MREG: variants seen among roughly 807,000 people sequenced by gnomAD.
The protein encoded by MREG is dilute suppressor protein homolog.
In MREG, 31 loss-of-function variants were observed where a neutral mutation model predicts 28.5. The observed-to-expected ratio is 1.09, with a 90% CI of 0.82 to 1.47. MREG has a LOEUF of 1.47. MREG is among the 40% of genes most tolerant of loss of function. The probability of loss-of-function intolerance (pLI) is 0.00; values close to 1 mark genes in which losing one functional copy is unlikely to be tolerated. For synonymous variants in MREG, 106 were observed against 95.2 expected (o/e 1.11, Z -0.66); for missense variants, 256 against 257.4 (o/e 0.99, Z 0.04).
intron 2 of MREG, among the ~76,000 whole-genome samples, chr2:215,978,453 T>C (rs1011707623): frequency 1.3e-5 from 2 of 152,040 alleles, no homozygotes; most frequent in Non-Finnish European, 2.9e-5. Context: ...CTACCAGAGG[T>C]ACAAAGAGGA....
At chr2:215,961,938 C>T (rs1692802803) in intron 2 of MREG, among the ~76,000 whole-genome samples, 1 of 152,154 alleles carries the variant, frequency 6.6e-6, no homozygotes, top group Non-Finnish European at 1.5e-5. Context: ...CATGCGGAGC[C>T]TCAAACCCCA....
intron 2 of MREG, among the ~76,000 whole-genome samples, chr2:215,989,255 G>T (rs909939835): frequency 1.3e-5 from 2 of 152,202 alleles, no homozygotes; most frequent in Admixed American, 6.5e-5. Context: ...GGCAAACAGG[G>T]TCTGGAGTGT....
At chr2:215,983,842 T>C (rs1203487112) in intron 2 of MREG, among the ~76,000 whole-genome samples, 1 of 152,182 alleles carries the variant, frequency 6.6e-6, no homozygotes, top group Non-Finnish European at 1.5e-5. Context: ...GTATATGCAT[T>C]TGTCAGCATA....
intron 1 of MREG, among the ~76,000 whole-genome samples, chr2:216,001,963 C>T (rs956858798): frequency 6.6e-6 from 1 of 152,178 alleles, no homozygotes; most frequent in African/African-American, 2.4e-5. Flanking sequence ...GCCTGGGGGT[C>T]TGGGCCTGAA....
chr2:215,946,937 C>T, intron 3 of MREG, 86 bp downstream of exon 3: 1 of 822,232 alleles, frequency 1.2e-6, no homozygotes, highest in South Asian at 1.5e-5. Flanking sequence ...ATTGACATTC[C>T]TTTTATAAAA....
At chr2:215,990,494 G>T (rs1693693922) in intron 2 of MREG, among the ~76,000 whole-genome samples, 1 of 152,060 alleles carries the variant, frequency 6.6e-6, no homozygotes, top group African/African-American at 2.4e-5. Flanking sequence ...CAACTAACGG[G>T]AAAAATAACC....
At chr2:215,946,366 G>T (rs1289981832) in intron 3 of MREG, among the ~76,000 whole-genome samples, 3 of 151,780 alleles carry the variant, frequency 2.0e-5, no homozygotes, top group African/African-American at 7.3e-5. Flanking sequence ...CGCTTGAAAA[G>T]TGATGATGCC....
At chr2:215,965,194 T>G (rs763428297) in intron 2 of MREG, among the ~76,000 whole-genome samples, 2 of 152,226 alleles carry the variant, frequency 1.3e-5, no homozygotes, top group Non-Finnish European at 2.9e-5. Context: ...AGATGGCAAC[T>G]CACAGGCCAT....
chr2:215,959,485 T>C (rs902796880), intron 2 of MREG, among the ~76,000 whole-genome samples: 2 of 152,242 alleles, frequency 1.3e-5, no homozygotes, highest in Admixed American at 1.3e-4. Context: ...TCTGCCTTAA[T>C]TGGCCTGAAT....
chr2:216,029,357 A>T lies in MREG; in HGVS notation c.-68+3432T>A, dbSNP rs568055962. 1.0e-3 allele frequency among the ~76,000 whole-genome samples: 159 copies of T among 152,314 alleles called. 1 individual carries two copies. The highest frequency in any genetic ancestry group is 3.6e-3 in the African/African-American group (149 of 41,570). On this transcript the variant is annotated intron_variant, in intron 1 of 3. Coordinates refer to the MREG transcript ENST00000420348. ...GCTGGGCGTGGTGGCGCGCTTCTGT[A>T]GTCCCAGCTACTCAGGAGGCTGAGG...
intron 2 of MREG, among the ~76,000 whole-genome samples, chr2:215,985,065 C>T (rs1440385750): frequency 6.6e-6 from 1 of 152,148 alleles, no homozygotes; most frequent in African/African-American, 2.4e-5. Context: ...GGATAAGTTG[C>T]TTAAAATGGA....
rs752665279 is a variant in MREG at position 216,013,292 on chromosome 2, G to A, written c.36C>T (p.Cys12=). The A allele has an allele frequency of 6.5e-7, 1 of 1,549,678 alleles. No homozygotes were observed. The highest frequency in any genetic ancestry group is 1.4e-5 in the African/African-American group (1 of 73,146). The part of the protein sequence containing the change: ...GLRDWLRTVC[C]CCGCECLEER... ...CCTCCAAGCACTCGCACCCGCAGCA[G>A]CAGCACACGGTTCTCAGCCAGTCCC... is the stretch of plus-strand genomic sequence containing the variant. Residue 12 remains cysteine, a synonymous_variant, in exon 1 of 5, where the codon TGC becomes TGT. Transcript: ENST00000263268.
chr2:215,940,858 T>C (rs528093489), downstream of MREG, among the ~76,000 whole-genome samples: 88 of 152,180 alleles, frequency 5.8e-4, no homozygotes, highest in Middle Eastern at 0.01. Flanking sequence ...TGTGCGCGCG[T>C]GTGTGTGTGT....
intron 1 of MREG, among the ~76,000 whole-genome samples, chr2:216,023,264 G>T (rs1694551843): frequency 6.6e-6 from 1 of 152,192 alleles, no homozygotes; most frequent in African/African-American, 2.4e-5. Context: ...TAAATTCACT[G>T]CAGTCTCTTT....
chr2:215,963,202 G>A (rs976239223), intron 2 of MREG, among the ~76,000 whole-genome samples: 3 of 152,160 alleles, frequency 2.0e-5, no homozygotes, highest in Admixed American at 2.0e-4. Flanking sequence ...GCTTGCACCT[G>A]TAATCCCAGC....
At chr2:216,007,416 T>TTTATTTA (rs1340294134) in intron 1 of MREG, among the ~76,000 whole-genome samples, 2 of 123,416 alleles carry the variant, frequency 1.6e-5, no homozygotes, top group East Asian at 4.2e-4. Context: ...TATTTATTTA[T>TTTATTTA]TTATTTATTT....
chr2:215,954,551 C>T (rs939636818), intron 2 of MREG, among the ~76,000 whole-genome samples: 1 of 151,580 alleles, frequency 6.6e-6, no homozygotes, highest in African/African-American at 2.4e-5. Flanking sequence ...TAACTTGCCC[C>T]ATGCCCAACC....
chr2:215,944,955 G>T lies in MREG; in HGVS notation c.553C>A (p.Leu185Ile). The T allele has an allele frequency of 6.2e-7, 1 of 1,606,974 alleles. No individual in the cohort carries two copies. Among genetic ancestry groups the T allele is most frequent in the Non-Finnish European group, 8.5e-7 (1 of 1,174,364 alleles). Residue 185 changes from leucine to isoleucine, a missense_variant, in exon 5 of 5, where the codon CTT (leucine) becomes ATT (isoleucine). Physicochemically the swap from Leu to Ile is conservative, Grantham distance 5. Transcript: ENST00000263268. The part of the protein sequence containing the change: ...ALDAAEEFFK[L>I]ARRTYPKKPG... ...TTCTTGGGGTAAGTTCGACGAGCAA[G>T]CTTAAAGAACTCTTCTGCAGCATCA...
chr2:216,031,144 C>T (rs940542651), intron 1 of MREG, among the ~76,000 whole-genome samples: 10 of 152,128 alleles, frequency 6.6e-5, no homozygotes, highest in African/African-American at 2.4e-4. Context: ...TGGTGGTTCA[C>T]GCCTATAATC....
Sources: gnomAD v4.1 joint callset for allele counts (sites outside exome capture counted in the v4.1 genomes callset) on GRCh38, gnomAD v4.1.1 for gene constraint, MANE v1.5 for transcripts, NCBI Gene and HGNC (gene_info 2026-07-23, HGNC 2026-07-21) for gene names.